Variants in ERICH3 observed in about 807,000 individuals in gnomAD.
ERICH3 encodes glutamate rich 3, also known as glutamate-rich protein 3.
A neutral mutation model predicts 131.1 loss-of-function variants in ERICH3; 126 were observed. That is an observed-to-expected ratio of 0.96 (90% confidence interval 0.83 to 1.11). ERICH3 has a LOEUF of 1.11. Ranked by LOEUF, ERICH3 falls within the 50% of genes most tolerant of loss-of-function variation. ERICH3 has a pLI of 0.00. For missense variants in ERICH3, 2,050 were observed against 1,810.7 expected (o/e 1.13, Z -2.40); for synonymous variants, 695 against 644.6 (o/e 1.08, Z -1.18).
chr1:74,612,887 G>A, intron 8 of ERICH3, 78 bp from the exon 9 acceptor site: 1 of 1,246,238 alleles, frequency 8.0e-7, no homozygotes, highest in African/African-American at 1.5e-5. Flanking sequence ...TTTTCTATTA[G>A]ATAAACACAA....
chr1:74,626,026 A>G (rs1033678131), intron 7 of ERICH3: 3 of 152,240 alleles, frequency 2.0e-5, no homozygotes, highest in African/African-American at 7.2e-5. Flanking sequence ...AAAATTTTTC[A>G]TATTGATTAC....
At chr1:74,649,385 G>A in intron 1 of ERICH3, 70 bp from the exon 2 acceptor site, 4 of 1,199,182 alleles carry the variant, frequency 3.3e-6, no homozygotes, top group Non-Finnish European at 4.9e-6. Context: ...ATTCTTTACT[G>A]TTTCCCCAAA....
chr1:74,670,606 G>A (rs990916031), intron 1 of ERICH3, among the ~76,000 whole-genome samples: 5 of 152,132 alleles, frequency 3.3e-5, no homozygotes, highest in Non-Finnish European at 7.4e-5. Context: ...ATCTTCGTAA[G>A]CTGAGGATGT....
In ERICH3 at chr1:74,649,212, C is replaced by A; in HGVS notation, c.117+10G>T. The A allele has an allele frequency of 3.8e-6, 6 of 1,588,482 alleles. No individual in the cohort carries two copies. Among genetic ancestry groups the A allele is most frequent in the East Asian group, 2.3e-5 (1 of 44,176 alleles). On this transcript the variant is annotated intron_variant, in intron 2 of 14. Transcript: ENST00000326665. ...ACAAGAAGGTCAGTGGAAAGTAAACCAAAACTTACCAGTCCTGATCTTAAG... is the reference window on the plus strand; with the variant it reads ...ACAAGAAGGTCAGTGGAAAGTAAACAAAAACTTACCAGTCCTGATCTTAAG...
At chr1:74,644,242 T>A (rs1192895120) in intron 3 of ERICH3, among the ~76,000 whole-genome samples, 1 of 151,936 alleles carries the variant, frequency 6.6e-6, no homozygotes, top group East Asian at 1.9e-4. Flanking sequence ...CTTCCTCTGA[T>A]CTCCTACCCA....
intron 11 of ERICH3, among the ~76,000 whole-genome samples, chr1:74,596,854 A>G (rs916337640): frequency 1.3e-5 from 2 of 151,890 alleles, no homozygotes; most frequent in African/African-American, 2.4e-5. Context: ...AGCCAGTAGC[A>G]CTCTATCACT....
intron 12 of ERICH3, chr1:74,579,883 TCA>T (rs746264494): frequency 1.0e-6 from 1 of 984,602 alleles, no homozygotes; most frequent in Non-Finnish European, 1.2e-6. Context: ...AATGGAATTG[TCA>T]CACACAGAAA....
At chr1:74,586,402 T>A (rs933293316) in intron 12 of ERICH3, 1 of 981,446 alleles carries the variant, frequency 1.0e-6, no homozygotes, top group Admixed American at 6.2e-5. Context: ...TCTGTAATCA[T>A]GCACACACCA....
At chr1:74,625,506 C>A (rs1410297318) in intron 7 of ERICH3, 1 of 152,138 alleles carries the variant, frequency 6.6e-6, no homozygotes, top group African/African-American at 2.4e-5. Flanking sequence ...ATTCTCTAAT[C>A]TCCTCGGTCA....
At chr1:74,632,179 G>T (rs1646345715) in intron 6 of ERICH3, among the ~76,000 whole-genome samples, 1 of 151,902 alleles carries the variant, frequency 6.6e-6, no homozygotes, top group African/African-American at 2.4e-5. Flanking sequence ...GTACTTTTGG[G>T]GTTTTTCTTC....
chr1:74,641,760 C>T (rs572048031), intron 4 of ERICH3, among the ~76,000 whole-genome samples: 4 of 152,068 alleles, frequency 2.6e-5, no homozygotes, highest in African/African-American at 9.6e-5. Context: ...CAGTAGACTA[C>T]CAGAAATAGT....
chr1:74,663,825 A>C lies in ERICH3; in HGVS notation c.23+9672T>G, dbSNP rs567116393. Among the ~76,000 whole-genome samples the C allele has an allele frequency of 3.3e-5, 5 of 152,064 alleles. No homozygotes were observed. In the East Asian group the frequency reaches 5.8e-4, roughly 18 times the overall value. ...AGGACTACTCATAAAATAAATAATA[A>C]TTTTTATTATTATTTAAGCCACTAG... On this transcript the variant is annotated intron_variant, in intron 1 of 14. Coordinates refer to ENST00000326665, the MANE Select transcript of ERICH3 (RefSeq NM_001002912.5).
intron 12 of ERICH3, chr1:74,578,280 A>AATGATGATGATGATG (rs3036371): frequency 1.1e-5 from 2 of 176,132 alleles, no homozygotes; most frequent in Non-Finnish European, 1.2e-5. Context: ...TAATAACAGC[A>AATGATGATGATGATG]ATGATGATGA....
intron 1 of ERICH3, among the ~76,000 whole-genome samples, chr1:74,671,557 T>C (rs993720626): frequency 2.0e-5 from 3 of 152,182 alleles, no homozygotes; most frequent in Non-Finnish European, 2.9e-5. Flanking sequence ...CCGACACTCA[T>C]GGAAAATATA....
rs1415039644 is a variant in ERICH3, at chr1:74,606,662, T to G, written c.1428A>C (p.Thr476=). 4.3e-6 allele frequency: 7 copies of G among 1,612,714 alleles called. No individual in the cohort carries two copies. The highest frequency in any genetic ancestry group is 1.7e-5 in the Admixed American group (1 of 59,832). Residue 476 remains threonine, a synonymous_variant, in exon 10 of 15, where the codon ACA becomes ACC. Transcript: ENST00000326665. ...KEVVTAVEEM[T]SKGKPGQEVL... ...CTTCTTGTCCTGGTTTTCCTTTACTTGTCATTTCCTCCACAGCAGTTACCA... is the reference window on the plus strand; with the variant it reads ...CTTCTTGTCCTGGTTTTCCTTTACTGGTCATTTCCTCCACAGCAGTTACCA...
At chr1:74,623,399 G>A (rs1391427064) in intron 7 of ERICH3, 2 of 152,090 alleles carry the variant, frequency 1.3e-5, no homozygotes, top group East Asian at 3.9e-4. Flanking sequence ...TTTTATCCAT[G>A]CCCACACAAA....
In ERICH3 at chr1:74,636,384, G is replaced by A; in HGVS notation, c.499C>T (p.Gln167Ter). 6.2e-7 allele frequency: 1 copy of A among 1,613,028 alleles called. No individual in the cohort carries two copies. Among genetic ancestry groups the A allele is most frequent in the Non-Finnish European group, 8.5e-7 (1 of 1,179,238 alleles). The change falls in exon 6 of 15, where the codon CAG becomes TAG. Residue 167 changes from glutamine (Q) to a stop codon, truncating the protein, a stop_gained. Transcript: ENST00000326665. LOFTEE classifies it high-confidence loss of function. The part of the protein sequence containing the change: ...PGNMQPPIRL[Q>*]PLPSNPAVET... The stretch of plus-strand genomic sequence containing the variant: ...ACTGCAGGATTACTGGGAAGAGGCT[G>A]TAATCGAATTGGAGGCTGCATATTT...
chr1:74,577,402 C>G (rs1161557162), intron 12 of ERICH3: 1 of 155,358 alleles, frequency 6.4e-6, no homozygotes, highest in Admixed American at 6.4e-5. Flanking sequence ...CCACCCTCAT[C>G]TTCACTGCTG....
At position 74,614,070 on chromosome 1, in the gene ERICH3, G is replaced by C. The variant is rs58618298; in HGVS notation, c.1001-1261C>G. ...GGGCTTGTTAAAATACAGATTGCTG[G>C]GTTTTACCTCTGTTTCTGATTCAGT... On this transcript the variant is annotated intron_variant, in intron 8 of 14. Coordinates refer to ENST00000326665, the MANE Select transcript of ERICH3 (RefSeq NM_001002912.5). Among the ~76,000 whole-genome samples, 501 of 152,170 alleles carry C rather than the reference G, an allele frequency of 3.3e-3. 1 individual carries two copies. Among genetic ancestry groups the C allele is most frequent in the African/African-American group, 0.011 (471 of 41,502 alleles).
Sources: allele counts gnomAD v4.1 joint callset (sites outside exome capture counted in the v4.1 genomes callset), GRCh38; gene constraint gnomAD v4.1.1; transcripts MANE v1.5; gene names NCBI Gene and HGNC (gene_info 2026-07-23, HGNC 2026-07-21).